The following PCDHGB2 variants were observed in gnomAD, a reference collection of about 807,000 sequenced individuals.
PCDHGB2 encodes the protein protocadherin gamma-B2.
Under a neutral mutation model 59.3 loss-of-function variants are expected in PCDHGB2, and 55 were observed. The observed-to-expected ratio is 0.93, with a 90% CI of 0.75 to 1.16. The LOEUF is 1.16. Among genes scored for constraint, PCDHGB2 ranks in the 50% most tolerant of loss-of-function variants. The pLI, the probability that PCDHGB2 is intolerant of heterozygous loss-of-function variation, is 0.00. For synonymous variants in PCDHGB2, 516 were observed against 512.0 expected (o/e 1.01, Z -0.11); for missense variants, 1,228 against 1,198.5 (o/e 1.02, Z -0.36).
intron 1 of PCDHGB2, chr5:141,411,189 T>G (rs1222862554): frequency 6.6e-6 from 1 of 152,208 alleles, no homozygotes; most frequent in Non-Finnish European, 1.5e-5. Context: ...TCTTGGCATC[T>G]AAGAAAACAA....
chr5:141,386,950 A>G (rs538175836), intron 1 of PCDHGB2, among the ~76,000 whole-genome samples: 1 of 152,246 alleles, frequency 6.6e-6, no homozygotes, highest in African/African-American at 2.4e-5. Flanking sequence ...GCAGTGCTTC[A>G]GTGCAGCAGA....
At chr5:141,390,377 T>G in intron 1 of PCDHGB2, 9 of 1,463,992 alleles carry the variant, frequency 6.1e-6, no homozygotes, top group Non-Finnish European at 8.4e-6. Flanking sequence ...TATATAATTT[T>G]TAGATGTCAT....
At chr5:141,436,611 C>T (rs893312137) in intron 1 of PCDHGB2, among the ~76,000 whole-genome samples, 1 of 152,126 alleles carries the variant, frequency 6.6e-6, no homozygotes, top group Non-Finnish European at 1.5e-5. Context: ...CTAGGGCTAA[C>T]AAAAATCTGA....
intron 1 of PCDHGB2, among the ~76,000 whole-genome samples, chr5:141,460,703 G>A (rs1009662968): frequency 6.6e-6 from 1 of 151,534 alleles, no homozygotes; most frequent in Non-Finnish European, 1.5e-5. Flanking sequence ...AGTTGAATGA[G>A]AATAAACTAT....
rs376221362 is a variant in PCDHGB2, at chr5:141,389,239, A to G, written c.2421+26683A>G. 8.2e-5 allele frequency: 132 copies of G among 1,614,008 alleles called. No homozygotes were observed. The highest frequency in any genetic ancestry group is 6.6e-4 in the Middle Eastern group (4 of 6,062). ...AATGACAACGCTCCGGTTTTCTCAC[A>G]GTCTTCCTATATAGTCCACGTGGCC... On this transcript the variant is annotated intron_variant, in intron 1 of 3. Coordinates refer to ENST00000522605, the MANE Select transcript of PCDHGB2 (RefSeq NM_018923.3).
At chr5:141,505,151 G>T (rs2099844154) in intron 2 of PCDHGB2, among the ~76,000 whole-genome samples, 1 of 152,164 alleles carries the variant, frequency 6.6e-6, no homozygotes, top group Non-Finnish European at 1.5e-5. Context: ...GACAGAGTAA[G>T]ACCCTGTCTA....
At chr5:141,378,945 G>A (rs1775265317) in intron 1 of PCDHGB2, 1 of 152,196 alleles carries the variant, frequency 6.6e-6, no homozygotes, top group Admixed American at 6.5e-5. Context: ...TGGAATGAAT[G>A]GAGTACAGGG....
At chr5:141,425,391 A>G (rs2096872046) in intron 1 of PCDHGB2, among the ~76,000 whole-genome samples, 1 of 152,238 alleles carries the variant, frequency 6.6e-6, no homozygotes, top group South Asian at 2.1e-4. Flanking sequence ...AGGTAGTGAT[A>G]AAGTTCTGTT....
rs556415227 is a variant in PCDHGB2, at chr5:141,476,903, G to A, written c.2422-17904G>A. ...GGAGGATGCACCCTCCGGCACGCGC[G>A]TGGTACAAGTCCTTGCAACGGATCT... On this transcript the variant is annotated intron_variant, in intron 1 of 3. Transcript: ENST00000522605. This position sits in a 1 kb window ranked among gnomAD's most constrained non-coding sequence, Gnocchi z 7.6. The A allele has an allele frequency of 1.4e-5, 22 of 1,614,018 alleles. No homozygotes were observed. In the African/African-American group the frequency reaches 1.7e-4, roughly 13 times the overall value.
At chr5:141,433,926 A>T (rs2154556019) in intron 1 of PCDHGB2, among the ~76,000 whole-genome samples, 1 of 151,830 alleles carries the variant, frequency 6.6e-6, no homozygotes, top group African/African-American at 2.4e-5. Context: ...CCAAATGAAG[A>T]TTTTATAATT....
intron 1 of PCDHGB2, chr5:141,478,484 C>T (rs376021397): frequency 6.2e-7 from 1 of 1,613,458 alleles, no homozygotes; most frequent in South Asian, 1.1e-5. Flanking sequence ...GAACACGCTG[C>T]GGAGCTGTGA....
At chr5:141,413,407 CTT>C (rs758693256) in intron 1 of PCDHGB2, 1 of 1,613,926 alleles carries the variant, frequency 6.2e-7, no homozygotes, top group Non-Finnish European at 8.5e-7. Context: ...TAGGACGCAG[CTT>C]TTCTCTCTGA....
In PCDHGB2 at chr5:141,477,229, C is replaced by G. The variant is rs1376731101; in HGVS notation, c.2422-17578C>G. The G allele has an allele frequency of 6.2e-7, 1 of 1,614,222 alleles. No homozygotes were observed. The highest frequency in any genetic ancestry group is 8.5e-7 in the Non-Finnish European group (1 of 1,180,052). On this transcript the variant is annotated intron_variant, in intron 1 of 3. Transcript: ENST00000522605. This position sits in a 1 kb window ranked among gnomAD's most constrained non-coding sequence, Gnocchi z 4.9. ...AGGATGCCCCTCTGGGGACTGTCAT[C>G]GCTTTGCTCAGTGTGACTGACCTGG...
Position 141,432,492 on chromosome 5 carries a change from C to G in PCDHGB2, c.2422-62315C>G. The G allele has an allele frequency of 6.2e-7, 1 of 1,614,168 alleles. No individual in the cohort carries two copies. The highest frequency in any genetic ancestry group is 8.5e-7 in the Non-Finnish European group (1 of 1,180,040). On this transcript the variant is annotated intron_variant, in intron 1 of 3. Transcript: ENST00000522605. This position sits in a 1 kb window ranked among gnomAD's most constrained non-coding sequence, Gnocchi z 6.0. Reference sequence around the variant, plus strand: ...GACGGTTCCACTGGCGTGGAGCTGGCTCCCCGCTCCGCAGAGCCCGGCTAC... The same window carrying G: ...GACGGTTCCACTGGCGTGGAGCTGGGTCCCCGCTCCGCAGAGCCCGGCTAC...
chr5:141,376,466 C>G, intron 1 of PCDHGB2: 3 of 1,614,200 alleles, frequency 1.9e-6, no homozygotes, highest in Non-Finnish European at 2.5e-6. Flanking sequence ...TCTGATAACT[C>G]AGGATTTACT....
intron 1 of PCDHGB2, chr5:141,384,922 C>G: frequency 6.2e-7 from 1 of 1,614,018 alleles, no homozygotes; most frequent in Non-Finnish European, 8.5e-7. Flanking sequence ...CTTGGCCGAC[C>G]TGGGCAGCCT....
chr5:141,414,519 T>C (rs754685087), intron 1 of PCDHGB2: 6 of 1,613,856 alleles, frequency 3.7e-6, no homozygotes, highest in Non-Finnish European at 5.1e-6. Context: ...AAGTGGCAGA[T>C]ATCAATGACA....
At chr5:141,367,696 AG>A (rs574151601) in intron 1 of PCDHGB2, 1 of 152,176 alleles carries the variant, frequency 6.6e-6, no homozygotes, top group Non-Finnish European at 1.5e-5. Flanking sequence ...ATCAGTGTAA[AG>A]GAACCTTAAG....
rs2096663485 is a variant in PCDHGB2, at chr5:141,422,674, A to G, written c.2421+60118A>G. 3 of 1,606,698 alleles carry G rather than the reference A, an allele frequency of 1.9e-6. No individual in the cohort carries two copies. The East Asian group carries it at 6.7e-5, about 36-fold the overall frequency. On this transcript the variant is annotated intron_variant, in intron 1 of 3. Transcript: ENST00000522605. ...AGTGACCGCCCTCGACCCGGACAGC[A>G]AACAGAATGCCCTGGTCACTTACTC...
Sources: allele counts gnomAD v4.1 joint callset (sites outside exome capture counted in the v4.1 genomes callset), GRCh38; gene constraint gnomAD v4.1.1; non-coding constraint Gnocchi (gnomAD v3.1); transcripts MANE v1.5; gene names NCBI Gene and HGNC (gene_info 2026-07-23, HGNC 2026-07-21).